The following A2ML1 variants were observed in gnomAD, a reference collection of about 807,000 sequenced individuals.
The protein encoded by A2ML1 is alpha-2-macroglobulin like 1.
Under a neutral mutation model 181.9 loss-of-function variants are expected in A2ML1, and 161 were observed. The ratio of observed to expected loss-of-function variants is 0.89; its 90% confidence interval spans 0.78 to 1.01. The LOEUF is 1.01. A2ML1 is among the 50% of genes least tolerant of loss of function. The pLI, the probability that A2ML1 is intolerant of heterozygous loss-of-function variation, is 0.00. For synonymous variants in A2ML1, 663 were observed against 666.8 expected, an observed-to-expected ratio of 0.99 and a Z score of 0.09; for missense variants, 1,670 against 1,768.1, an observed-to-expected ratio of 0.94 and a Z score of 1.00.
chr12:8,831,363 G>C (rs1943107567), intron 4 of A2ML1, among the ~76,000 whole-genome samples: 1 of 152,158 alleles, frequency 6.6e-6, no homozygotes, highest in Non-Finnish European at 1.5e-5. Context: ...CCTCAGGGTT[G>C]ATCTCATTAA....
Position 8,823,884 on chromosome 12 carries a change from T to C in A2ML1, c.409+2T>C. On this transcript the variant is annotated splice_donor_variant, in intron 3 of 35. Coordinates refer to ENST00000299698, the MANE Select transcript of A2ML1 (RefSeq NM_144670.6). LOFTEE classifies it high-confidence loss of function. The stretch of plus-strand genomic sequence containing the variant: ...CTCTCTACACCCCAGGGCAGCAAGG[T>C]AAGAGTCACATATTTGGGGTTCGAC... 1 of 1,608,530 alleles carries C rather than the reference T, an allele frequency of 6.2e-7. No homozygotes were observed. Among genetic ancestry groups the C allele is most frequent in the Non-Finnish European group, 8.5e-7 (1 of 1,176,888 alleles).
chr12:8,824,429 T>C (rs1158060391), intron 3 of A2ML1, among the ~76,000 whole-genome samples: 1 of 151,948 alleles, frequency 6.6e-6, no homozygotes, highest in Non-Finnish European at 1.5e-5. Flanking sequence ...ACACAATGTG[T>C]AATCATTACA....
Position 8,869,196 on chromosome 12 carries a change from T to G in A2ML1, c.4214T>G (p.Leu1405Trp). The change falls in exon 33 of 36, where the codon TTG (leucine) becomes TGG (tryptophan). Residue 1405 changes from leucine (L) to tryptophan (W), a missense_variant. By Grantham distance (61) the Leu-to-Trp change is moderately conservative (BLOSUM62 -2). Transcript: ENST00000299698. The part of the protein sequence containing the change: ...EFGTDTLNIY[L>W]DELIKNTQTY... Reference sequence around the variant, plus strand: ...GGAACTGACACACTTAACATTTACTTGGATGAGGTAGGTATTCAGGAACCA... The same window carrying G: ...GGAACTGACACACTTAACATTTACTGGGATGAGGTAGGTATTCAGGAACCA... The G allele has an allele frequency of 6.2e-7, 1 of 1,614,056 alleles. No individual in the cohort carries two copies. Among genetic ancestry groups the G allele is most frequent in the Non-Finnish European group, 8.5e-7 (1 of 1,179,988 alleles).
intron 4 of A2ML1, among the ~76,000 whole-genome samples, chr12:8,834,279 G>T (rs1448454451): frequency 6.6e-6 from 1 of 152,190 alleles, no homozygotes; most frequent in Admixed American, 6.5e-5. Context: ...GCCAGGAGAT[G>T]GTTGGCTACC....
intron 31 of A2ML1, 26 bp from the exon 32 acceptor site, chr12:8,868,511 A>C (rs961200744): frequency 1.2e-6 from 2 of 1,611,886 alleles, no homozygotes; most frequent in Non-Finnish European, 1.7e-6. Context: ...ATAGGCTCAC[A>C]TGTGTTTTCT....
chr12:8,834,925 C>T (rs1168684549), intron 5 of A2ML1: 1 of 538,862 alleles, frequency 1.9e-6, no homozygotes, highest in Non-Finnish European at 3.3e-6. Flanking sequence ...ACACCGCTCT[C>T]TCATTCCCCT....
intron 32 of A2ML1, 101 bp downstream of exon 32, chr12:8,868,728 C>T (rs1221640999): frequency 7.1e-6 from 6 of 847,372 alleles, no homozygotes; most frequent in South Asian, 1.6e-5. Flanking sequence ...TATACACACA[C>T]ACACACAAGG....
chr12:8,873,778 T>C (rs976221432), intron 33 of A2ML1, among the ~76,000 whole-genome samples: 11 of 152,198 alleles, frequency 7.2e-5, no homozygotes, highest in Middle Eastern at 3.4e-3. Context: ...GTAAGGGGCA[T>C]AGAACTGTTG....
At chr12:8,871,515 G>A (rs893962960) in intron 33 of A2ML1, among the ~76,000 whole-genome samples, 1 of 152,054 alleles carries the variant, frequency 6.6e-6, no homozygotes, top group Non-Finnish European at 1.5e-5. Context: ...GTTTCACCAT[G>A]TTGGCCAGGC....
chr12:8,879,784 G>A (rs745814098), downstream of A2ML1, among the ~76,000 whole-genome samples: 5 of 152,150 alleles, frequency 3.3e-5, no homozygotes, highest in African/African-American at 4.8e-5. Context: ...CATGTACATT[G>A]TCCAACTCAT....
chr12:8,886,679 T>C (rs1449962337), exon 8 of A2ML1: 3 of 152,236 alleles, frequency 2.0e-5, no homozygotes, highest in South Asian at 2.1e-4. Flanking sequence ...CTCTGGACTT[T>C]TGCCCATAGT....
chr12:8,861,539 G>C (rs1203389495), intron 28 of A2ML1, among the ~76,000 whole-genome samples: 3 of 152,158 alleles, frequency 2.0e-5, no homozygotes, highest in Non-Finnish European at 2.9e-5. Flanking sequence ...CCAGGCTGGA[G>C]TGCAGTGGCG....
chr12:8,840,093 C>T (rs1162622854), intron 10 of A2ML1, among the ~76,000 whole-genome samples: 32 of 152,106 alleles, frequency 2.1e-4, no homozygotes, highest in Non-Finnish European at 1.0e-4. Context: ...GGCGTGGTGG[C>T]TCACGTCTGC....
At position 8,824,222 on chromosome 12, in the gene A2ML1, G is replaced by GTTT. The variant is rs34400836; in HGVS notation, c.409+365_409+367dup. 8.2e-4 allele frequency among the ~76,000 whole-genome samples: 76 copies of GTTT among 92,302 alleles called. 1 individual carries two copies. Among genetic ancestry groups the GTTT allele is most frequent in the African/African-American group, 2.7e-3 (62 of 23,170 alleles). 60.6% of individuals were successfully genotyped at this position (92,302 alleles called of 152,430 possible). Reference sequence around the variant, plus strand: ...AGGGCATTTGGCTTGAGCTACTGGGGTTTTTTTTTTTTTTTTTTTTTTTTT... The same window carrying GTTT: ...AGGGCATTTGGCTTGAGCTACTGGGGTTTTTTTTTTTTTTTTTTTTTTTTTTTT... On this transcript the variant is annotated intron_variant, in intron 3 of 35. Transcript: ENST00000299698.
In A2ML1 at chr12:8,868,345, C is replaced by T. The variant is rs773680710; in HGVS notation, c.4049C>T (p.Thr1350Ile). The T allele has an allele frequency of 2.4e-5, 38 of 1,612,246 alleles. No homozygotes were observed. Among genetic ancestry groups the T allele is most frequent in the Non-Finnish European group, 3.2e-5 (38 of 1,179,578 alleles). ...QPTSPRSLTL[T>I]IHTSYVGSRS... Reference sequence around the variant, plus strand: ...ACTTCACCTCGATCCTTGACTCTCACTATTCACACCAGGTGATTAAAGCTG... The same window carrying T: ...ACTTCACCTCGATCCTTGACTCTCATTATTCACACCAGGTGATTAAAGCTG... The change falls in exon 31 of 36, where the codon ACT becomes ATT. Residue 1350 changes from threonine to isoleucine, a missense_variant. By Grantham distance (89) the Thr-to-Ile change is moderately conservative (BLOSUM62 -1). Coordinates refer to ENST00000299698, the MANE Select transcript of A2ML1 (RefSeq NM_144670.6).
chr12:8,844,857 T>A lies in A2ML1; in HGVS notation c.1477-585T>A, dbSNP rs1943611918. On this transcript the variant is annotated intron_variant, in intron 12 of 35. Transcript: ENST00000299698. ...CCGAGCCACGTGGAATGGCTAATGC[T>A]GGGCAGGCGTCCAAGGAACCGACCT... The A allele has an allele frequency of 6.9e-6, 3 of 437,692 alleles. No individual in the cohort carries two copies. The Admixed American group carries it at 1.5e-4, about 22-fold the overall frequency. The allele number at this position is 437,692 out of a possible 1,614,324, so 27.1% of individuals were successfully genotyped here.
At chr12:8,869,273 T>G in intron 33 of A2ML1, 70 bp downstream of exon 33, 1 of 1,486,146 alleles carries the variant, frequency 6.7e-7, no homozygotes, top group Non-Finnish European at 9.4e-7. Flanking sequence ...TTCTAATCTG[T>G]ATATACGGGT....
At chr12:8,839,994 A>G (rs1337639933) in intron 10 of A2ML1, among the ~76,000 whole-genome samples, 4 of 152,020 alleles carry the variant, frequency 2.6e-5, no homozygotes, top group Non-Finnish European at 5.9e-5. Flanking sequence ...TGATCCGTCC[A>G]CCTGGGCCTC....
rs766219936 is a variant in A2ML1, at chr12:8,837,044, A to G, written c.729-396A>G. On this transcript the variant is annotated intron_variant, in intron 7 of 35. Coordinates refer to ENST00000299698, the MANE Select transcript of A2ML1 (RefSeq NM_144670.6). ...AGCTTGCTTTCTTCTTTTTTTTGAG[A>G]CAGAGTCTCTGTCACGCAGGCTGGG... 4.6e-5 allele frequency among the ~76,000 whole-genome samples: 7 copies of G among 151,784 alleles called. No homozygotes were observed. The South Asian group carries it at 1.5e-3, about 32-fold the overall frequency.
Sources: allele counts gnomAD v4.1 joint callset (sites outside exome capture counted in the v4.1 genomes callset), GRCh38; gene constraint gnomAD v4.1.1; transcripts MANE v1.5; gene names NCBI Gene and HGNC (gene_info 2026-07-23, HGNC 2026-07-21).